TOP2B: variants seen among roughly 807,000 people sequenced by gnomAD.
TOP2B encodes DNA topoisomerase 2-beta.
A neutral mutation model predicts 193.5 loss-of-function variants in TOP2B; 51 were observed. The ratio of observed to expected loss-of-function variants is 0.26; its 90% CI spans 0.21 to 0.33. The LOEUF (loss-of-function observed/expected upper bound fraction) is 0.33. TOP2B is among the 10% of genes least tolerant of loss of function. The pLI, the probability that TOP2B is intolerant of heterozygous loss-of-function variation, is 1.00. For missense variants in TOP2B, 1,378 were observed against 1,909.3 expected (o/e 0.72, Z 5.19); for synonymous variants, 634 against 635.7 (o/e 1.00, Z 0.04).
chr3:25,622,188 CA>C, intron 21 of TOP2B, among the ~76,000 whole-genome samples: 2 of 152,082 alleles, frequency 1.3e-5, no homozygotes, highest in Admixed American at 6.5e-5. Flanking sequence ...GTTTCATACA[CA>C]TAGTAGGCAC....
chr3:25,660,737 T>A (rs950722058), intron 1 of TOP2B, among the ~76,000 whole-genome samples: 36 of 152,220 alleles, frequency 2.4e-4, no homozygotes, highest in African/African-American at 4.8e-5. Context: ...AAAGCAAGGT[T>A]CTTAAAATAA....
chr3:25,627,585 T>C (rs902337499), intron 15 of TOP2B, among the ~76,000 whole-genome samples: 16 of 152,226 alleles, frequency 1.1e-4, no homozygotes, highest in Admixed American at 7.8e-4. Context: ...GAAAATACTA[T>C]ATATTAAATG....
chr3:25,652,489 A>G (rs1703620545), intron 1 of TOP2B, among the ~76,000 whole-genome samples: 2 of 152,218 alleles, frequency 1.3e-5, no homozygotes, highest in Non-Finnish European at 2.9e-5. Context: ...TCCATCAAAA[A>G]TGGAATTAAA....
At chr3:25,651,121 T>A (rs930692713) in intron 1 of TOP2B, among the ~76,000 whole-genome samples, 1 of 152,200 alleles carries the variant, frequency 6.6e-6, no homozygotes, top group Non-Finnish European at 1.5e-5. Context: ...ACTATTTGTA[T>A]ACAGACAAAT....
intron 18 of TOP2B, among the ~76,000 whole-genome samples, chr3:25,625,322 A>G (rs1169660188): frequency 6.6e-6 from 1 of 152,222 alleles, no homozygotes; most frequent in African/African-American, 2.4e-5. Flanking sequence ...GACTAAGCAA[A>G]TAACTAGTAA....
At chr3:25,601,255 A>T (rs928642140) in intron 33 of TOP2B, 30 bp from the exon 34 acceptor site, 10 of 1,599,910 alleles carry the variant, frequency 6.3e-6, no homozygotes, top group Admixed American at 1.7e-5. Context: ...TTCACAGGTC[A>T]ATATACTTAC....
chr3:25,611,522 A>T (rs1702369658), intron 28 of TOP2B, among the ~76,000 whole-genome samples: 1 of 152,194 alleles, frequency 6.6e-6, no homozygotes, highest in South Asian at 2.1e-4. Flanking sequence ...TGTTGGACAC[A>T]TCTAAACGTA....
intron 18 of TOP2B, 22 bp downstream of exon 18, chr3:25,626,538 G>T: frequency 7.9e-7 from 1 of 1,263,352 alleles, no homozygotes; most frequent in Non-Finnish European, 1.1e-6. Flanking sequence ...ATTAAAAAAT[G>T]AGGTTTTTAA....
At chr3:25,623,886 TA>T (rs2125369450) in intron 20 of TOP2B, 140 bp from the exon 21 acceptor site, 1 of 646,610 alleles carries the variant, frequency 1.5e-6, no homozygotes, top group African/African-American at 1.8e-5. Context: ...TACATCCGCT[TA>T]ATAATAAAAT....
chr3:25,607,113 T>G, intron 31 of TOP2B, 58 bp downstream of exon 31: 1 of 1,580,436 alleles, frequency 6.3e-7, no homozygotes, highest in Admixed American at 1.8e-5. Flanking sequence ...CACTATAATA[T>G]CTTTGGCAAA....
At chr3:25,659,027 G>A (rs1210451929) in intron 1 of TOP2B, among the ~76,000 whole-genome samples, 1 of 152,166 alleles carries the variant, frequency 6.6e-6, no homozygotes, top group East Asian at 1.9e-4. Context: ...AACACAGAAA[G>A]CTCACCATCA....
At chr3:25,654,133 A>T (rs1434609116) in intron 1 of TOP2B, among the ~76,000 whole-genome samples, 1 of 152,158 alleles carries the variant, frequency 6.6e-6, no homozygotes, top group Admixed American at 6.5e-5. Flanking sequence ...AAAGGAAATA[A>T]AAGGCATAGA....
chr3:25,624,924 C>G (rs1269482869), intron 18 of TOP2B, 121 bp from the exon 19 acceptor site: 8 of 979,828 alleles, frequency 8.2e-6, no homozygotes, highest in Non-Finnish European at 1.2e-5. Context: ...ACTTGAGATT[C>G]TGTAACAAAG....
chr3:25,618,138 C>T (rs1702555418), intron 25 of TOP2B: 2 of 345,196 alleles, frequency 5.8e-6, no homozygotes, highest in Non-Finnish European at 1.1e-5. Flanking sequence ...TAATGGCAGA[C>T]TCAGGAAAAA....
intron 12 of TOP2B, 23 bp downstream of exon 12, chr3:25,630,287 CAT>C: frequency 1.3e-6 from 2 of 1,540,088 alleles, no homozygotes; most frequent in Non-Finnish European, 1.8e-6. Context: ...TGTGTATACA[CAT>C]ATATATACAC....
chr3:25,612,413 GAATAA>G (rs1276782424), intron 28 of TOP2B, 97 bp downstream of exon 28: 1 of 856,034 alleles, frequency 1.2e-6, no homozygotes, highest in Non-Finnish European at 1.7e-6. Context: ...AATATATTTT[GAATAA>G]AACAAAGCAT....
At chr3:25,602,480 T>C (rs1575559794) in intron 33 of TOP2B, among the ~76,000 whole-genome samples, 1 of 143,258 alleles carries the variant, frequency 7.0e-6, no homozygotes, top group South Asian at 2.2e-4. Context: ...AGAAAATATA[T>C]TAACTGTAGA....
Position 25,664,451 on chromosome 3 carries a change from A to C in TOP2B, c.-154T>G. On this transcript the variant is annotated 5_prime_UTR_variant, in exon 1 of 36. Coordinates refer to ENST00000264331, the MANE Select transcript of TOP2B (RefSeq NM_001330700.2). ...GCCCCATCGCGAAGATCCGGAGCGG[A>C]CGTCCAGCCGAGCCCGCTGAGGAGG... 1 of 1,246,148 alleles carries C rather than the reference A, an allele frequency of 8.0e-7. No individual in the cohort carries two copies. Among genetic ancestry groups the C allele is most frequent in the Non-Finnish European group, 1.0e-6 (1 of 997,888 alleles). 77.2% of individuals were successfully genotyped at this position (1,246,148 alleles called of 1,614,324 possible). A position where few individuals can be genotyped will look rare whatever the true frequency, so the allele number is the denominator to read the frequency against.
chr3:25,655,267 G>A (rs1488210304), intron 1 of TOP2B, among the ~76,000 whole-genome samples: 1 of 152,030 alleles, frequency 6.6e-6, no homozygotes, highest in Non-Finnish European at 1.5e-5. Flanking sequence ...ATATGCAAAT[G>A]GTCAACAGCA....
Sources: gnomAD v4.1 joint callset for allele counts (sites outside exome capture counted in the v4.1 genomes callset) on GRCh38, gnomAD v4.1.1 for gene constraint, MANE v1.5 for transcripts, NCBI Gene and HGNC (gene_info 2026-07-23, HGNC 2026-07-21) for gene names.